The following SYN2 variants were observed in gnomAD, a reference collection of about 807,000 sequenced individuals.
The protein encoded by SYN2 is synapsin II.
SYN2 carries 19 observed loss-of-function variants against 50.9 expected under a neutral mutation model. The ratio of observed to expected loss-of-function variants is 0.37; its 90% CI spans 0.26 to 0.55. The LOEUF is 0.55. SYN2 is among the 20% of genes least tolerant of loss of function. SYN2 has a pLI of 0.81. For synonymous variants in SYN2, 255 were observed against 224.9 expected, an observed-to-expected ratio of 1.13 and a Z score of -1.20; for missense variants, 587 against 576.4, an observed-to-expected ratio of 1.02 and a Z score of -0.19.
chr3:12,139,096 G>A (rs7647950), intron 1 of SYN2, among the ~76,000 whole-genome samples: 1 of 152,084 alleles, frequency 6.6e-6, no homozygotes, highest in African/African-American at 2.4e-5. Context: ...GGGCAGAGGT[G>A]GGGGGTGGAC....
intron 11 of SYN2, 120 bp downstream of exon 11, chr3:12,183,492 G>A (rs527872317): frequency 9.4e-6 from 15 of 1,599,042 alleles, no homozygotes; most frequent in Admixed American, 1.8e-5. Context: ...AAAAACAAAC[G>A]AAAGGAAAGC....
intron 1 of SYN2, among the ~76,000 whole-genome samples, chr3:12,100,785 C>T (rs1314838825): frequency 2.6e-5 from 4 of 151,830 alleles, no homozygotes; most frequent in Non-Finnish European, 5.9e-5. Context: ...CAACAAAAAA[C>T]CCATGAAAAA....
intron 1 of SYN2, among the ~76,000 whole-genome samples, chr3:12,108,881 G>C (rs1039460378): frequency 6.1e-5 from 9 of 147,426 alleles, no homozygotes; most frequent in African/African-American, 2.0e-4. Flanking sequence ...ACCATCATCT[G>C]CTTAAAAGAG....
At position 12,151,342 on chromosome 3, in the gene SYN2, G is replaced by C. The variant is rs1341877085; in HGVS notation, c.774+16G>C. The stretch of plus-strand genomic sequence containing the variant: ...CAAAGAGATGGTAAGTGGCTCAGTG[G>C]GGACATTAGTCTTTCTGCTGTTTTC... On this transcript the variant is annotated intron_variant, in intron 5 of 12. Coordinates refer to ENST00000621198, the MANE Select transcript of SYN2 (RefSeq NM_133625.6). The C allele has an allele frequency of 6.3e-7, 1 of 1,596,330 alleles. No individual in the cohort carries two copies. Among genetic ancestry groups the C allele is most frequent in the South Asian group, 1.1e-5 (1 of 89,686 alleles).
chr3:12,048,916 T>G (rs1694798121), intron 1 of SYN2, among the ~76,000 whole-genome samples: 4 of 152,186 alleles, frequency 2.6e-5, no homozygotes, highest in Non-Finnish European at 5.9e-5. Context: ...ATCGTTGGTT[T>G]ATGGATTTTA....
At chr3:12,077,566 C>T (rs577681390) in intron 1 of SYN2, among the ~76,000 whole-genome samples, 33 of 152,040 alleles carry the variant, frequency 2.2e-4, no homozygotes, top group Admixed American at 4.6e-4. Context: ...TGAGAATATG[C>T]GGTGTTTGGT....
intron 1 of SYN2, among the ~76,000 whole-genome samples, chr3:12,100,804 G>A (rs540398905): frequency 6.6e-6 from 1 of 151,926 alleles, no homozygotes; most frequent in South Asian, 2.1e-4. Context: ...AAATGACATG[G>A]GATTTAAATA....
intron 1 of SYN2, among the ~76,000 whole-genome samples, chr3:12,038,153 A>C (rs1574902265): frequency 6.6e-6 from 1 of 152,290 alleles, no homozygotes; most frequent in East Asian, 1.9e-4. Flanking sequence ...CATTTGTTGA[A>C]AAGACTCTTT....
chr3:12,035,314 G>T (rs545493634), intron 1 of SYN2, among the ~76,000 whole-genome samples: 1 of 152,212 alleles, frequency 6.6e-6, no homozygotes, highest in Non-Finnish European at 1.5e-5. Context: ...TTGGAGTCTC[G>T]TACCTGCAGC....
chr3:12,062,692 A>C (rs1366650085), intron 1 of SYN2, among the ~76,000 whole-genome samples: 1 of 152,050 alleles, frequency 6.6e-6, no homozygotes, highest in Non-Finnish European at 1.5e-5. Flanking sequence ...TACAAAACTA[A>C]ACATAGTCTT....
At chr3:12,067,803 G>A (rs1259242306) in intron 1 of SYN2, among the ~76,000 whole-genome samples, 4 of 152,178 alleles carry the variant, frequency 2.6e-5, no homozygotes, top group African/African-American at 7.2e-5. Context: ...GCCCATGCCT[G>A]TAATGGCAGC....
chr3:12,186,969 C>G (rs1018115529), intron 11 of SYN2, among the ~76,000 whole-genome samples: 4 of 152,232 alleles, frequency 2.6e-5, no homozygotes, highest in Non-Finnish European at 1.5e-5. Context: ...CCACCACACT[C>G]TCCTGCATCT....
chr3:12,004,954 G>A (rs1427560024), intron 1 of SYN2, 26 bp downstream of exon 1: 1 of 488,568 alleles, frequency 2.0e-6, no homozygotes, highest in Non-Finnish European at 3.6e-6. Flanking sequence ...CGCCGCCCTC[G>A]GGGGTCGGGG....
chr3:12,145,008 G>C (rs77784652), intron 3 of SYN2, among the ~76,000 whole-genome samples: 1 of 152,068 alleles, frequency 6.6e-6, no homozygotes, highest in Non-Finnish European at 1.5e-5. Context: ...TCTAGCCTGG[G>C]CAACGGAGCA....
At chr3:12,134,577 G>T (rs1696857022) in intron 1 of SYN2, among the ~76,000 whole-genome samples, 1 of 152,202 alleles carries the variant, frequency 6.6e-6, no homozygotes, top group Non-Finnish European at 1.5e-5. Flanking sequence ...ACTTCTCCAG[G>T]CAGGGAGAAT....
chr3:12,097,788 G>A (rs1334117555), intron 1 of SYN2, among the ~76,000 whole-genome samples: 2 of 152,056 alleles, frequency 1.3e-5, no homozygotes, highest in Admixed American at 1.3e-4. Flanking sequence ...CTCACTCATA[G>A]GTGGGAATTG....
chr3:12,056,396 A>G (rs184379038), intron 1 of SYN2, among the ~76,000 whole-genome samples: 6 of 141,282 alleles, frequency 4.2e-5, no homozygotes, highest in Non-Finnish European at 7.7e-5. Context: ...ATAACAACTC[A>G]TTAAACTCAT....
intron 5 of SYN2, 131 bp from the exon 6 acceptor site, chr3:12,161,415 C>A: frequency 2.0e-6 from 2 of 1,012,354 alleles, no homozygotes; most frequent in Non-Finnish European, 1.5e-6. Flanking sequence ...GTTTTTTAAT[C>A]TGTAAAGCAA....
intron 1 of SYN2, among the ~76,000 whole-genome samples, chr3:12,123,269 G>T (rs1696600532): frequency 6.6e-6 from 1 of 152,194 alleles, no homozygotes; most frequent in Admixed American, 6.5e-5. Flanking sequence ...AATAAAGCCA[G>T]ATCTAGACAC....
Sources: gnomAD v4.1 joint callset for allele counts (sites outside exome capture counted in the v4.1 genomes callset) on GRCh38, gnomAD v4.1.1 for gene constraint, MANE v1.5 for transcripts, NCBI Gene and HGNC (gene_info 2026-07-23, HGNC 2026-07-21) for gene names.